The following NTM variants were observed in gnomAD, a reference collection of about 807,000 sequenced individuals.
The protein encoded by NTM is IgLON family member 2.
In NTM, 13 loss-of-function variants were observed where a neutral mutation model predicts 42.1. That is an observed-to-expected ratio of 0.31 (90% CI 0.20 to 0.49). The LOEUF (loss-of-function observed/expected upper bound fraction) is 0.49. NTM is among the 20% of genes least tolerant of loss of function. The probability of loss-of-function intolerance (pLI) is 0.99; values close to 1 mark genes in which losing one functional copy is unlikely to be tolerated. For missense variants in NTM, 373 were observed against 452.8 expected (o/e 0.82, Z 1.60); for synonymous variants, 187 against 179.2 (o/e 1.04, Z -0.35).
intron 1 of NTM, among the ~76,000 whole-genome samples, chr11:131,643,687 G>A (rs1436812228): frequency 6.6e-6 from 1 of 152,100 alleles, no homozygotes. Flanking sequence ...TAAAAAATAC[G>A]CATTGACTTC....
chr11:131,937,995 C>T (rs530487362), intron 2 of NTM, among the ~76,000 whole-genome samples: 2 of 152,280 alleles, frequency 1.3e-5, no homozygotes, highest in African/African-American at 2.4e-5. Context: ...TAGGCATGCT[C>T]TTAATTAATT....
chr11:132,251,040 G>A (rs561374346), intron 4 of NTM, among the ~76,000 whole-genome samples: 42 of 152,260 alleles, frequency 2.8e-4, no homozygotes, highest in Non-Finnish European at 4.4e-4. Flanking sequence ...CAAGATGACC[G>A]AGGTCTATGT....
At chr11:132,228,493 C>A (rs2086781074) in intron 4 of NTM, among the ~76,000 whole-genome samples, 2 of 152,140 alleles carry the variant, frequency 1.3e-5, no homozygotes, top group Non-Finnish European at 1.5e-5. Context: ...TCATTGCCAC[C>A]ATTGCCCTAG....
chr11:131,540,312 A>G lies in NTM; in HGVS notation c.82+169424A>G, dbSNP rs191041813. On this transcript the variant is annotated intron_variant, in intron 1 of 8. Coordinates refer to ENST00000683400, the MANE Select transcript of NTM (RefSeq NM_001352005.2). ...CCCAAGTAGCTGGGACTACAGGCGC[A>G]TGCCACCATGGCCAGCTAGTTGTTT... Among the ~76,000 whole-genome samples the G allele has an allele frequency of 4.0e-3, 615 of 152,082 alleles. 6 individuals carry two copies. Among genetic ancestry groups the G allele is most frequent in the African/African-American group, 0.013 (559 of 41,502 alleles).
intron 1 of NTM, among the ~76,000 whole-genome samples, chr11:131,473,664 G>T (rs887538458): frequency 6.6e-6 from 1 of 152,230 alleles, no homozygotes; most frequent in African/African-American, 2.4e-5. Flanking sequence ...CCAATGAGGC[G>T]TGGCCATCCC....
intron 3 of NTM, among the ~76,000 whole-genome samples, chr11:132,167,077 C>T (rs956652853): frequency 1.3e-5 from 2 of 152,120 alleles, no homozygotes; most frequent in Non-Finnish European, 2.9e-5. Flanking sequence ...TTATTCTATC[C>T]TATTTTACTC....
chr11:131,979,694 A>G (rs1316292038), intron 2 of NTM, among the ~76,000 whole-genome samples: 1 of 152,236 alleles, frequency 6.6e-6, no homozygotes, highest in Non-Finnish European at 1.5e-5. Flanking sequence ...ATTGCCCAAA[A>G]GGCGGTACTA....
intron 4 of NTM, among the ~76,000 whole-genome samples, chr11:132,285,869 C>T (rs1018238689): frequency 1.3e-5 from 2 of 152,158 alleles, no homozygotes; most frequent in Non-Finnish European, 2.9e-5. Flanking sequence ...AAGGCACAGT[C>T]CAGCCTCTTG....
intron 1 of NTM, among the ~76,000 whole-genome samples, chr11:131,629,548 A>G (rs1387545355): frequency 1.3e-5 from 2 of 152,066 alleles, no homozygotes; most frequent in Admixed American, 1.3e-4. Flanking sequence ...AGAATGGAAC[A>G]CTCTGTTGCC....
At chr11:131,407,780 G>A (rs898182679) in intron 1 of NTM, among the ~76,000 whole-genome samples, 3 of 152,148 alleles carry the variant, frequency 2.0e-5, no homozygotes, top group Non-Finnish European at 2.9e-5. Flanking sequence ...GCTGGCTCCC[G>A]GGCAGGGAGA....
At chr11:131,943,920 AG>A (rs1262326754) in intron 2 of NTM, among the ~76,000 whole-genome samples, 46 of 54,820 alleles carry the variant, frequency 8.4e-4, no homozygotes, top group Non-Finnish European at 1.3e-3. Flanking sequence ...TTTTTCTAAA[AG>A]GAAAAAAAAA....
intron 2 of NTM, among the ~76,000 whole-genome samples, chr11:131,962,727 C>G (rs1032004765): frequency 4.6e-5 from 7 of 152,142 alleles, no homozygotes; most frequent in African/African-American, 1.7e-4. Context: ...TGCCATTTAC[C>G]CTGACTGTGG....
chr11:132,247,301 G>A (rs1312213306), intron 4 of NTM, among the ~76,000 whole-genome samples: 1 of 152,140 alleles, frequency 6.6e-6, no homozygotes, highest in African/African-American at 2.4e-5. Flanking sequence ...TACAAATTTG[G>A]GTTTTAAGCC....
At chr11:132,268,835 C>G (rs571996635) in intron 4 of NTM, among the ~76,000 whole-genome samples, 17 of 152,162 alleles carry the variant, frequency 1.1e-4, no homozygotes, top group African/African-American at 4.1e-4. Context: ...TACGCTCTCT[C>G]TAGCAGAAAG....
intron 2 of NTM, among the ~76,000 whole-genome samples, chr11:132,041,917 A>C (rs958981632): frequency 1.3e-5 from 2 of 152,204 alleles, no homozygotes; most frequent in Non-Finnish European, 2.9e-5. Flanking sequence ...GTCATGTATT[A>C]GTATATTAAT....
intron 1 of NTM, among the ~76,000 whole-genome samples, chr11:131,613,593 C>T (rs1442313538): frequency 6.6e-6 from 1 of 152,146 alleles, no homozygotes; most frequent in African/African-American, 2.4e-5. Context: ...TCAACCGTCT[C>T]ATTTTAAAAT....
At chr11:131,859,591 C>CCATTA (rs1261692829) in intron 1 of NTM, among the ~76,000 whole-genome samples, 1 of 152,070 alleles carries the variant, frequency 6.6e-6, no homozygotes, top group Non-Finnish European at 1.5e-5. Flanking sequence ...GATCTTGGTT[C>CCATTA]CATTACTTTC....
At position 132,305,201 on chromosome 11, in the gene NTM, G is replaced by A. The variant is rs137880545; in HGVS notation, c.527-2488G>A. 3.9e-5 allele frequency among the ~76,000 whole-genome samples: 6 copies of A among 152,332 alleles called. No homozygotes were observed. The East Asian group carries it at 9.6e-4, about 24-fold the overall frequency. On this transcript the variant is annotated intron_variant, in intron 4 of 8. Coordinates refer to ENST00000683400, the MANE Select transcript of NTM (RefSeq NM_001352005.2). ...CAAGTTGGCCCCTGCAAATCTCGCT[G>A]TGGCCACAAAAGAGCATATTTGAAT...
intron 1 of NTM, among the ~76,000 whole-genome samples, chr11:131,638,017 A>G (rs2064632362): frequency 6.6e-6 from 1 of 152,142 alleles, no homozygotes. Flanking sequence ...TAACCAGGTC[A>G]CATGGCTACA....
Sources: allele counts gnomAD v4.1 joint callset (sites outside exome capture counted in the v4.1 genomes callset), GRCh38; gene constraint gnomAD v4.1.1; transcripts MANE v1.5; gene names NCBI Gene and HGNC (gene_info 2026-07-23, HGNC 2026-07-21).